Variants in GCNT2 observed in about 807,000 individuals in gnomAD.
GCNT2 encodes the protein glucosaminyl (N-acetyl) transferase 2 (I blood group).
GCNT2 carries 34 observed loss-of-function variants against 34.2 expected under a neutral mutation model. The ratio of observed to expected loss-of-function variants is 1.00; its 90% CI spans 0.76 to 1.32. The LOEUF (loss-of-function observed/expected upper bound fraction) is 1.32, where lower values mean the gene tolerates loss of function less well. Ranked by LOEUF, GCNT2 falls within the 40% of genes most tolerant of loss-of-function variation. GCNT2 has a pLI of 0.00. For missense variants in GCNT2, 584 were observed against 489.4 expected (o/e 1.19, Z -1.82); for synonymous variants, 212 against 188.0 (o/e 1.13, Z -1.04).
chr6:10,576,781 A>G (rs1218182879), intron 3 of GCNT2, among the ~76,000 whole-genome samples: 1 of 152,172 alleles, frequency 6.6e-6, no homozygotes, highest in African/African-American at 2.4e-5. Flanking sequence ...GGAGCTCAGA[A>G]GCACTCAAGA....
At chr6:10,533,577 C>T (rs758720948) in intron 3 of GCNT2, among the ~76,000 whole-genome samples, 1 of 151,756 alleles carries the variant, frequency 6.6e-6, no homozygotes, top group Non-Finnish European at 1.5e-5. Context: ...CACTTGAGGT[C>T]AGGAGTTTGA....
In GCNT2 at chr6:10,529,739, C is replaced by G. The variant is rs532935757; in HGVS notation, c.828C>G (p.Phe276Leu). The change falls in exon 3 of 5, where the codon TTC becomes TTG. Residue 276 changes from phenylalanine (F) to leucine (L), a missense_variant. Physicochemically the swap from Phe to Leu is conservative, Grantham distance 22. Transcript: ENST00000495262. ...YVALTRDFAN[F>L]VLQDQLALDL... ...CTCTCACAAGGGACTTTGCTAACTT[C>G]GTCCTCCAAGACCAGCTCGCACTTG... is the stretch of plus-strand genomic sequence containing the variant. 37 of 1,614,124 alleles carry G rather than the reference C, an allele frequency of 2.3e-5. No individual in the cohort carries two copies. The Admixed American group carries it at 4.5e-4, about 20-fold the overall frequency.
chr6:10,559,435 C>G (rs190200087), intron 3 of GCNT2, among the ~76,000 whole-genome samples: 1 of 152,286 alleles, frequency 6.6e-6, no homozygotes, highest in African/African-American at 2.4e-5. Context: ...CAGTGTGGCC[C>G]CATGTAAATC....
intron 3 of GCNT2, among the ~76,000 whole-genome samples, chr6:10,531,112 A>G (rs1016206479): frequency 2.0e-5 from 3 of 152,084 alleles, no homozygotes; most frequent in Non-Finnish European, 4.4e-5. Context: ...ATGTGATTAC[A>G]TGATGTGCTC....
chr6:10,524,604 A>G (rs1220197340), intron 1 of GCNT2, among the ~76,000 whole-genome samples: 3 of 152,184 alleles, frequency 2.0e-5, no homozygotes, highest in Admixed American at 6.5e-5. Context: ...GAGAAAACAC[A>G]TAAATAAGAA....
intron 3 of GCNT2, among the ~76,000 whole-genome samples, chr6:10,583,236 G>T (rs1561817420): frequency 1.3e-5 from 2 of 152,184 alleles, no homozygotes; most frequent in Non-Finnish European, 1.5e-5. Context: ...CCACGGCACT[G>T]TTGCCATTCA....
intron 3 of GCNT2, among the ~76,000 whole-genome samples, chr6:10,590,779 C>G (rs934863145): frequency 6.6e-6 from 1 of 152,152 alleles, no homozygotes; most frequent in African/African-American, 2.4e-5. Flanking sequence ...GTCTCGATCT[C>G]CTGACCTCAT....
chr6:10,547,039 T>G (rs572435799), intron 3 of GCNT2, among the ~76,000 whole-genome samples: 1 of 152,322 alleles, frequency 6.6e-6, no homozygotes, highest in Non-Finnish European at 1.5e-5. Flanking sequence ...CCTTTGACCT[T>G]TTATTTTAAA....
chr6:10,539,206 T>TTTTTTTG (rs1491477004), intron 3 of GCNT2, among the ~76,000 whole-genome samples: 2 of 136,098 alleles, frequency 1.5e-5, no homozygotes, highest in Admixed American at 1.5e-4. Flanking sequence ...TTTTTTTTTT[T>TTTTTTTG]GAGGCAGAGT....
chr6:10,550,743 A>G (rs1018610066), intron 3 of GCNT2, among the ~76,000 whole-genome samples: 3 of 152,194 alleles, frequency 2.0e-5, no homozygotes, highest in Non-Finnish European at 4.4e-5. Context: ...CGGCCTCCCA[A>G]AAGTGCTGGG....
intron 3 of GCNT2, chr6:10,574,769 G>A (rs1581429730): frequency 1.7e-6 from 1 of 588,776 alleles, no homozygotes; most frequent in East Asian, 3.5e-5. Context: ...TCGTAGGGAA[G>A]AGGTTCCAGC....
intron 3 of GCNT2, among the ~76,000 whole-genome samples, chr6:10,585,074 T>C (rs1764286145): frequency 1.0e-5 from 1 of 96,148 alleles, no homozygotes; most frequent in East Asian, 2.1e-4. Context: ...TGTGTGTGTG[T>C]GTGTGCGCGC....
chr6:10,598,039 G>A (rs1764934396), intron 3 of GCNT2, among the ~76,000 whole-genome samples: 1 of 152,102 alleles, frequency 6.6e-6, no homozygotes. Context: ...TTGGCCTTGG[G>A]CATGTCACTT....
chr6:10,598,228 C>G (rs1040810251), intron 3 of GCNT2, among the ~76,000 whole-genome samples: 3 of 152,188 alleles, frequency 2.0e-5, no homozygotes, highest in African/African-American at 7.2e-5. Context: ...GAGCAATTAA[C>G]GTATCTTAAC....
At chr6:10,602,289 C>A (rs1765121429) in intron 3 of GCNT2, among the ~76,000 whole-genome samples, 2 of 152,128 alleles carry the variant, frequency 1.3e-5, no homozygotes, top group Admixed American at 6.5e-5. Flanking sequence ...CTCCTAGGAC[C>A]CCCTACCCCA....
At chr6:10,575,159 T>C (rs1352891506) in intron 3 of GCNT2, 1 of 421,984 alleles carries the variant, frequency 2.4e-6, no homozygotes, top group Non-Finnish European at 4.5e-6. Flanking sequence ...AAGGAACAAC[T>C]CCATGTTTTC....
At chr6:10,562,656 GAAAAAAAA>G (rs57868433) in intron 3 of GCNT2, among the ~76,000 whole-genome samples, 3 of 77,524 alleles carry the variant, frequency 3.9e-5, no homozygotes, top group Non-Finnish European at 8.0e-5. Flanking sequence ...GAACTTCTCT[GAAAAAAAA>G]AAAAAAAAAA....
At chr6:10,545,447 A>G (rs1358703779) in intron 3 of GCNT2, among the ~76,000 whole-genome samples, 1 of 152,038 alleles carries the variant, frequency 6.6e-6, no homozygotes, top group Non-Finnish European at 1.5e-5. Context: ...AGCTTGACAA[A>G]CTTAGGACAG....
In GCNT2 at chr6:10,626,630, C is replaced by A; in HGVS notation, c.*23C>A. On this transcript the variant is annotated 3_prime_UTR_variant, in exon 5 of 5. Transcript: ENST00000495262. ...TGAGCTATTCATGAGCTACTCATGA[C>A]TGAAGGGAAACTGCAGCTGGGAAGA... 3.2e-6 allele frequency: 5 copies of A among 1,560,656 alleles called. No individual in the cohort carries two copies. Among genetic ancestry groups the A allele is most frequent in the Non-Finnish European group, 4.4e-6 (5 of 1,131,176 alleles).
Sources: gnomAD v4.1 joint callset for allele counts (sites outside exome capture counted in the v4.1 genomes callset) on GRCh38, gnomAD v4.1.1 for gene constraint, MANE v1.5 for transcripts, NCBI Gene and HGNC (gene_info 2026-07-23, HGNC 2026-07-21) for gene names.